The following MED26 variants were observed in gnomAD, a reference collection of about 807,000 sequenced individuals.
MED26 encodes the protein mediator complex subunit 26, also known as mediator of RNA polymerase II transcription subunit 26.
MED26 carries 7 observed loss-of-function variants against 43.7 expected under a neutral mutation model. The observed-to-expected ratio is 0.16, with a 90% CI of 0.09 to 0.30. The LOEUF is 0.30. MED26 is among the 10% of genes least tolerant of loss of function. The pLI, the probability that MED26 is intolerant of heterozygous loss-of-function variation, is 1.00. For synonymous variants in MED26, 375 were observed against 371.1 expected, an observed-to-expected ratio of 1.01 and a Z score of -0.12; for missense variants, 784 against 840.6, an observed-to-expected ratio of 0.93 and a Z score of 0.83.
intron 1 of MED26, among the ~76,000 whole-genome samples, chr19:16,615,753 GA>G (rs34085264): frequency 0.14 from 18,720 of 134,580 alleles, 1,211 homozygotes; most frequent in Non-Finnish European, 0.16. Flanking sequence ...CTCTGGGGGA[GA>G]AAAAAAAAAA....
chr19:16,612,290 TG>T (rs145696561), intron 1 of MED26: 4,498 of 152,304 alleles, frequency 0.03, 93 homozygotes, highest in Non-Finnish European at 0.045. Flanking sequence ...TTTGTGTGTT[TG>T]GTTTTTTTCT....
intron 1 of MED26, among the ~76,000 whole-genome samples, chr19:16,621,612 C>G (rs894807459): frequency 1.3e-5 from 2 of 152,088 alleles, no homozygotes; most frequent in Non-Finnish European, 2.9e-5. Context: ...CCTGACATGA[C>G]CCCTCTCCTT....
rs747499411 is a variant in MED26 at position 16,576,886 on chromosome 19, G to T, written c.944C>A (p.Pro315Gln). Residue 315 changes from proline (P) to glutamine (Q), a missense_variant, in exon 3 of 3, where the codon CCG becomes CAG. Transcript: ENST00000263390. The surrounding 1 kb of genome is among the most constrained non-coding windows in gnomAD (Gnocchi z 6.8). ...TGTGGACGGCTGTGCCAGTGGAAGC[G>T]GTGACGGCACCTGTGTGGCATCGAG... ...QALDATQVPS[P>Q]LPLAQPSTPP... 1 of 1,608,114 alleles carries T rather than the reference G, an allele frequency of 6.2e-7. No homozygotes were observed.
rs556323802 is a variant in MED26 at position 16,618,555 on chromosome 19, T to A, written c.72+9317A>T. ...ACCTCACACCAGCCAAACCACCCTGTTGCTACTCTGGACCTTACATTTCCC... is the reference window on the plus strand; with the variant it reads ...ACCTCACACCAGCCAAACCACCCTGATGCTACTCTGGACCTTACATTTCCC... On this transcript the variant is annotated intron_variant, in intron 1 of 2. Coordinates refer to ENST00000263390, the MANE Select transcript of MED26 (RefSeq NM_004831.5). Among the ~76,000 whole-genome samples, 13 of 152,324 alleles carry A rather than the reference T, an allele frequency of 8.5e-5. No individual in the cohort carries two copies. The East Asian group carries it at 2.5e-3, about 29-fold the overall frequency.
chr19:16,625,434 G>A (rs2086270094), intron 1 of MED26, among the ~76,000 whole-genome samples: 2 of 152,230 alleles, frequency 1.3e-5, no homozygotes. Context: ...AGCTAAGTTT[G>A]TTAACCATAA....
chr19:16,589,172 G>A (rs917069313), intron 1 of MED26: 3 of 152,216 alleles, frequency 2.0e-5, no homozygotes, highest in East Asian at 3.8e-4. Context: ...TGGGCACAGG[G>A]GCCTTCTCAT....
rs920708342 is a variant in MED26, at chr19:16,599,412, G to A, written c.73-21003C>T. Among the ~76,000 whole-genome samples, 5 of 152,152 alleles carry A rather than the reference G, an allele frequency of 3.3e-5. No homozygotes were observed. In the East Asian group the frequency reaches 7.8e-4, roughly 24 times the overall value. The stretch of plus-strand genomic sequence containing the variant: ...TCTGGCCATCCTAAACAAATGTCAC[G>A]CCTCTCACAAACACAGAGTAAATGT... On this transcript the variant is annotated intron_variant, in intron 1 of 2. Coordinates refer to ENST00000263390, the MANE Select transcript of MED26 (RefSeq NM_004831.5).
Position 16,576,585 on chromosome 19 carries a change from G to T in MED26, c.1245C>A (p.Val415=). 2 of 1,614,184 alleles carry T rather than the reference G, an allele frequency of 1.2e-6. No individual in the cohort carries two copies. ...NLDGQVAEAG[V]KPVRLKERKL... is the part of the protein sequence containing the mutation. ...TCCGCTCTTTTAACCGGACAGGCTT[G>T]ACGCCCGCCTCAGCCACCTGCCCGT... Residue 415 remains valine, a synonymous_variant, in exon 3 of 3, where the codon GTC becomes GTA. Coordinates refer to ENST00000263390, the MANE Select transcript of MED26 (RefSeq NM_004831.5). The surrounding 1 kb of genome is among the most constrained non-coding windows in gnomAD (Gnocchi z 6.8).
Position 16,576,413 on chromosome 19 carries a change from C to G in MED26, c.1417G>C (p.Glu473Gln). 1.2e-6 allele frequency: 2 copies of G among 1,614,138 alleles called. No individual in the cohort carries two copies. The highest frequency in any genetic ancestry group is 1.1e-5 in the South Asian group (1 of 91,086). ...EAKASLQSPF[E>Q]QTNWKELSRN... Reference sequence around the variant, plus strand: ...GACAGCTCCTTCCAGTTCGTCTGTTCGAAGGGGCTCTGGAGGCTGGCCTTG... The same window carrying G: ...GACAGCTCCTTCCAGTTCGTCTGTTGGAAGGGGCTCTGGAGGCTGGCCTTG... Residue 473 changes from glutamate to glutamine, a missense_variant, in exon 3 of 3, where the codon GAA becomes CAA. Transcript: ENST00000263390. This position sits in a 1 kb window ranked among gnomAD's most constrained non-coding sequence, Gnocchi z 6.8.
intron 1 of MED26, among the ~76,000 whole-genome samples, chr19:16,600,263 G>A (rs890881627): frequency 7.9e-5 from 12 of 152,032 alleles, no homozygotes; most frequent in Non-Finnish European, 1.8e-4. Context: ...CACAGCCCTG[G>A]AATTGTGCCA....
At chr19:16,599,311 G>A (rs2086137581) in intron 1 of MED26, among the ~76,000 whole-genome samples, 1 of 152,140 alleles carries the variant, frequency 6.6e-6, no homozygotes, top group Non-Finnish European at 1.5e-5. Context: ...TTCACGGCAG[G>A]AAACATGGAT....
chr19:16,627,146 T>A (rs1456223766), intron 1 of MED26, among the ~76,000 whole-genome samples: 1 of 152,072 alleles, frequency 6.6e-6, no homozygotes, highest in Non-Finnish European at 1.5e-5. Context: ...TTTAATTCAC[T>A]ACCTAAAAAA....
In MED26 at chr19:16,577,839, C is replaced by T. The variant is rs1599329335; in HGVS notation, c.148-157G>A. Reference sequence around the variant, plus strand: ...CTGACACAAAACTTCTGGGGATTTCCGGTCCTTTGTGACAATATAAATTCT... The same window carrying T: ...CTGACACAAAACTTCTGGGGATTTCTGGTCCTTTGTGACAATATAAATTCT... On this transcript the variant is annotated intron_variant, in intron 2 of 2. Transcript: ENST00000263390. The surrounding 1 kb of genome is among the most constrained non-coding windows in gnomAD (Gnocchi z 8.1). The T allele has an allele frequency of 1.0e-5, 6 of 577,906 alleles. No homozygotes were observed. The highest frequency in any genetic ancestry group is 2.5e-5 in the South Asian group (1 of 40,796). 35.8% of individuals were successfully genotyped at this position (577,906 alleles called of 1,614,324 possible).
At position 16,575,185 on chromosome 19, in the gene MED26, A is replaced by G. The variant is rs2085985930; in HGVS notation, c.*842T>C. 6.6e-6 allele frequency: 1 copy of G among 152,512 alleles called. No homozygotes were observed. Among genetic ancestry groups the G allele is most frequent in the Non-Finnish European group, 1.5e-5 (1 of 68,010 alleles). The allele number at this position is 152,512 out of a possible 1,614,324, so 9.4% of individuals were successfully genotyped here. ...ACAGCATAAAACCAGTAGCACCCACAATAACTTTTGTGTTGTTTTGGGGGG... is the reference window on the plus strand; with the variant it reads ...ACAGCATAAAACCAGTAGCACCCACGATAACTTTTGTGTTGTTTTGGGGGG... On this transcript the variant is annotated 3_prime_UTR_variant, in exon 3 of 3. Transcript: ENST00000263390.
chr19:16,621,072 T>C (rs1288537501), intron 1 of MED26, among the ~76,000 whole-genome samples: 1 of 152,190 alleles, frequency 6.6e-6, no homozygotes, highest in African/African-American at 2.4e-5. Flanking sequence ...CACTTCATGT[T>C]TGCAAGGGTA....
At chr19:16,609,578 T>C (rs1352395735) in intron 1 of MED26, among the ~76,000 whole-genome samples, 15 of 151,750 alleles carry the variant, frequency 9.9e-5, no homozygotes, top group Admixed American at 9.8e-4. Flanking sequence ...TTCTTTTTCC[T>C]GAGAGCTGGT....
At chr19:16,609,794 T>C (rs1034922073) in intron 1 of MED26, among the ~76,000 whole-genome samples, 1 of 151,824 alleles carries the variant, frequency 6.6e-6, no homozygotes, top group Non-Finnish European at 1.5e-5. Flanking sequence ...TTTCAATGTT[T>C]ACTAAAAAAA....
At chr19:16,580,151 G>A (rs1365719302) in intron 1 of MED26, among the ~76,000 whole-genome samples, 2 of 152,192 alleles carry the variant, frequency 1.3e-5, no homozygotes, top group Admixed American at 1.3e-4. Flanking sequence ...CACCCCCAGG[G>A]AGGCTGCTCT....
intron 1 of MED26, among the ~76,000 whole-genome samples, chr19:16,584,583 CA>C (rs2086062418): frequency 6.6e-6 from 1 of 152,216 alleles, no homozygotes; most frequent in South Asian, 2.1e-4. Context: ...ACCCTGGGAG[CA>C]GTGGGGAACC....
Sources: gnomAD v4.1 joint callset for allele counts (sites outside exome capture counted in the v4.1 genomes callset) on GRCh38, gnomAD v4.1.1 for gene constraint, Gnocchi (gnomAD v3.1) non-coding constraint, MANE v1.5 for transcripts, NCBI Gene and HGNC (gene_info 2026-07-23, HGNC 2026-07-21) for gene names.